KIAA1217: variants seen among roughly 807,000 people sequenced by gnomAD.
KIAA1217 encodes KIAA1217.
In KIAA1217, 88 loss-of-function variants were observed where a neutral mutation model predicts 163.9. The observed-to-expected ratio is 0.54, with a 90% confidence interval of 0.45 to 0.64. KIAA1217 has a LOEUF of 0.64. Among genes scored for constraint, KIAA1217 ranks in the 30% least tolerant of loss-of-function variants. KIAA1217 has a pLI of 0.00. For synonymous variants in KIAA1217, 903 were observed against 923.1 expected, an observed-to-expected ratio of 0.98 and a Z score of 0.39; for missense variants, 2,372 against 2,475.0, an observed-to-expected ratio of 0.96 and a Z score of 0.88.
At chr10:23,907,600 C>T (rs1031474436) in intron 1 of KIAA1217, among the ~76,000 whole-genome samples, 1 of 152,110 alleles carries the variant, frequency 6.6e-6, no homozygotes, top group African/African-American at 2.4e-5. Context: ...GATGTCCCAG[C>T]TGACACAGAG....
intron 6 of KIAA1217, among the ~76,000 whole-genome samples, chr10:24,493,521 G>A (rs1051536404): frequency 2.0e-5 from 3 of 152,190 alleles, no homozygotes; most frequent in African/African-American, 4.8e-5. Context: ...TCTGCGAAAC[G>A]TCCATTGTCT....
chr10:23,833,419 G>A (rs1278484448), intron 1 of KIAA1217, among the ~76,000 whole-genome samples: 2 of 151,352 alleles, frequency 1.3e-5, no homozygotes, highest in African/African-American at 4.9e-5. Context: ...GGAGATGGAG[G>A]TTGCAGTGAG....
intron 2 of KIAA1217, among the ~76,000 whole-genome samples, chr10:24,236,903 C>T (rs937055698): frequency 7.2e-5 from 11 of 152,100 alleles, no homozygotes; most frequent in African/African-American, 2.2e-4. Context: ...CCTGCTACCT[C>T]AGCCTCCCAA....
intron 1 of KIAA1217, among the ~76,000 whole-genome samples, chr10:23,795,336 G>T (rs1836147499): frequency 6.6e-6 from 1 of 151,980 alleles, no homozygotes; most frequent in Admixed American, 6.6e-5. Context: ...TTATCTTGTT[G>T]CCAAATTGAA....
At chr10:24,292,693 C>A (rs1030323982) in intron 2 of KIAA1217, among the ~76,000 whole-genome samples, 5 of 152,056 alleles carry the variant, frequency 3.3e-5, no homozygotes, top group Non-Finnish European at 4.4e-5. Context: ...CTGCTGTTTT[C>A]ATGGTAAGGA....
intron 2 of KIAA1217, among the ~76,000 whole-genome samples, chr10:24,022,152 A>G (rs1322237969): frequency 6.6e-6 from 1 of 151,692 alleles, no homozygotes; most frequent in Non-Finnish European, 1.5e-5. Flanking sequence ...CTGTCACTAG[A>G]ATGAAAAGAC....
chr10:24,484,241 A>ATATATATTTTTTTTTTTTTTTTTTTT (rs1376083298), intron 6 of KIAA1217, among the ~76,000 whole-genome samples: 1 of 75,146 alleles, frequency 1.3e-5, no homozygotes, highest in African/African-American at 4.9e-5. Context: ...ATATATATAT[A>ATATATATTTTTTTTTTTTTTTTTTTT]TTTTTTTTTT....
At chr10:24,325,430 C>T (rs1408442430) in intron 2 of KIAA1217, among the ~76,000 whole-genome samples, 2 of 147,540 alleles carry the variant, frequency 1.4e-5, no homozygotes, top group Admixed American at 6.7e-5. Flanking sequence ...TGAGCGGGCA[C>T]CTAAGAGTAA....
chr10:24,047,542 AC>A (rs1164708351), intron 2 of KIAA1217, among the ~76,000 whole-genome samples: 2 of 152,196 alleles, frequency 1.3e-5, no homozygotes, highest in Non-Finnish European at 2.9e-5. Context: ...CTATTTACAT[AC>A]CTACAATTGC....
chr10:24,340,339 T>C (rs1043258836), intron 2 of KIAA1217, among the ~76,000 whole-genome samples: 1 of 152,152 alleles, frequency 6.6e-6, no homozygotes, highest in Non-Finnish European at 1.5e-5. Flanking sequence ...TAGTAGTGAA[T>C]AGGTCTCACG....
chr10:24,099,586 T>TATATATATTATA (rs1306527831), intron 2 of KIAA1217, among the ~76,000 whole-genome samples: 95 of 143,430 alleles, frequency 6.6e-4, no homozygotes, highest in African/African-American at 2.3e-3. Context: ...TATATATATA[T>TATATATATTATA]TATATATATA....
chr10:23,919,597 C>G (rs1842770992), intron 1 of KIAA1217, among the ~76,000 whole-genome samples: 1 of 122,830 alleles, frequency 8.1e-6, no homozygotes, highest in South Asian at 2.7e-4. Context: ...CAAAGCAAGA[C>G]TCCTTCTCTA....
At chr10:23,815,650 C>A (rs1425888706) in intron 1 of KIAA1217, among the ~76,000 whole-genome samples, 4 of 152,024 alleles carry the variant, frequency 2.6e-5, no homozygotes, top group Non-Finnish European at 5.9e-5. Context: ...TCTCAAAAAA[C>A]AAAAGCAAAA....
At chr10:24,307,059 G>A (rs1314100925) in intron 2 of KIAA1217, among the ~76,000 whole-genome samples, 2 of 152,206 alleles carry the variant, frequency 1.3e-5, no homozygotes, top group East Asian at 3.8e-4. Flanking sequence ...TTTCACGTCA[G>A]TATTTCTCCT....
At chr10:23,749,343 C>T (rs924221975) in intron 1 of KIAA1217, among the ~76,000 whole-genome samples, 14 of 152,118 alleles carry the variant, frequency 9.2e-5, no homozygotes, top group Non-Finnish European at 1.3e-4. Context: ...TCCTATGTCT[C>T]TTTCTCCAAC....
intron 2 of KIAA1217, among the ~76,000 whole-genome samples, chr10:24,182,626 G>T (rs1006869390): frequency 6.6e-6 from 1 of 152,122 alleles, no homozygotes; most frequent in Admixed American, 6.6e-5. Context: ...AGGGGCATAT[G>T]TTCTTTAAAG....
chr10:24,318,059 C>A (rs2043631051), intron 2 of KIAA1217, among the ~76,000 whole-genome samples: 1 of 152,130 alleles, frequency 6.6e-6, no homozygotes, highest in Non-Finnish European at 1.5e-5. Context: ...GCAATCCCAG[C>A]ACTTTGGGAA....
intron 2 of KIAA1217, among the ~76,000 whole-genome samples, chr10:24,107,937 A>T (rs1363467488): frequency 6.6e-6 from 1 of 152,188 alleles, no homozygotes; most frequent in Non-Finnish European, 1.5e-5. Flanking sequence ...ATGAAATATT[A>T]ATGGTTTGAT....
At chr10:24,314,942 G>GA (rs1269777030) in intron 2 of KIAA1217, among the ~76,000 whole-genome samples, 1 of 150,336 alleles carries the variant, frequency 6.7e-6, no homozygotes, top group Non-Finnish European at 1.5e-5. Flanking sequence ...AGACTGTCTC[G>GA]AAAAAAAAAT....
Sources: allele counts gnomAD v4.1 joint callset (sites outside exome capture counted in the v4.1 genomes callset), GRCh38; gene constraint gnomAD v4.1.1; transcripts MANE v1.5; gene names NCBI Gene and HGNC (gene_info 2026-07-23, HGNC 2026-07-21).